Variants in SNCAIP observed in about 807,000 individuals in gnomAD.
SNCAIP encodes the protein synphilin-1.
Under a neutral mutation model 86.7 loss-of-function variants are expected in SNCAIP, and 43 were observed. The observed-to-expected ratio is 0.50, with a 90% confidence interval of 0.39 to 0.64. The LOEUF (loss-of-function observed/expected upper bound fraction) is 0.64. Ranked by LOEUF, SNCAIP falls within the 30% of genes least tolerant of loss-of-function variation. The probability of loss-of-function intolerance (pLI) is 0.00; values close to 1 mark genes in which losing one functional copy is unlikely to be tolerated. For missense variants in SNCAIP, 981 were observed against 1,103.1 expected, an observed-to-expected ratio of 0.89 and a Z score of 1.57; for synonymous variants, 417 against 427.2, an observed-to-expected ratio of 0.98 and a Z score of 0.29.
At chr5:122,329,833 C>T (rs954729979) in intron 1 of SNCAIP, among the ~76,000 whole-genome samples, 1 of 152,126 alleles carries the variant, frequency 6.6e-6, no homozygotes, top group East Asian at 1.9e-4. Context: ...TAGAATTACT[C>T]TCATCAAAAT....
chr5:122,450,566 G>A lies in SNCAIP; in HGVS notation c.1719G>A (p.Gln573=), dbSNP rs1207212072. ...CCTCACCTGCCTCCAGAAAGTCCCA[G>A]TGGAAATCTCCAGATGCAGATGATG... The part of the protein sequence containing the change: ...SPSSPASRKS[Q]WKSPDADDDS... The change falls in exon 10 of 11, where the codon CAG becomes CAA. Residue 573 remains glutamine, a synonymous_variant. Transcript: ENST00000261368. 6.2e-7 allele frequency: 1 copy of A among 1,614,002 alleles called. No individual in the cohort carries two copies. The highest frequency in any genetic ancestry group is 1.7e-5 in the Admixed American group (1 of 60,022).
At chr5:122,383,240 G>A (rs1292746050) in intron 1 of SNCAIP, among the ~76,000 whole-genome samples, 2 of 152,234 alleles carry the variant, frequency 1.3e-5, no homozygotes, top group African/African-American at 2.4e-5. Context: ...ATATAATCTC[G>A]TGATGCGCCG....
At chr5:122,373,091 C>T (rs898687825) in intron 1 of SNCAIP, among the ~76,000 whole-genome samples, 1 of 152,216 alleles carries the variant, frequency 6.6e-6, no homozygotes, top group Admixed American at 6.5e-5. Context: ...GAGTGGTGTA[C>T]TTTCAACCTC....
At chr5:122,337,901 AT>A (rs1756824556) in intron 1 of SNCAIP, among the ~76,000 whole-genome samples, 1 of 152,192 alleles carries the variant, frequency 6.6e-6, no homozygotes. Flanking sequence ...TACCTGGTTT[AT>A]TTTAATAGGG....
At chr5:122,332,444 T>C (rs1021336228) in intron 1 of SNCAIP, among the ~76,000 whole-genome samples, 1 of 152,330 alleles carries the variant, frequency 6.6e-6, no homozygotes, top group African/African-American at 2.4e-5. Context: ...CCTTGAAGCA[T>C]ACCTGCCAAA....
intron 1 of SNCAIP, among the ~76,000 whole-genome samples, chr5:122,322,970 T>A (rs949040515): frequency 2.6e-5 from 4 of 152,194 alleles, no homozygotes; most frequent in African/African-American, 9.7e-5. Context: ...GTGTTCTGTG[T>A]TGGTGTAATT....
intron 7 of SNCAIP, among the ~76,000 whole-genome samples, chr5:122,443,291 A>G (rs1467124415): frequency 6.6e-6 from 1 of 152,222 alleles, no homozygotes; most frequent in Admixed American, 6.5e-5. Flanking sequence ...TCTCATCATG[A>G]TATTGTCAAA....
intron 8 of SNCAIP, among the ~76,000 whole-genome samples, chr5:122,448,552 ATT>A (rs551758980): frequency 7.0e-6 from 1 of 142,702 alleles, no homozygotes; most frequent in East Asian, 2.0e-4. Flanking sequence ...ATCCTTCCAT[ATT>A]TTTTATATAT....
rs970660439 is a variant in SNCAIP at position 122,451,392 on chromosome 5, A to G, written c.2545A>G (p.Thr849Ala). 3.1e-6 allele frequency: 5 copies of G among 1,614,022 alleles called. No homozygotes were observed. The African/African-American group carries it at 4.0e-5, about 13-fold the overall frequency. The change falls in exon 10 of 11, where the codon ACA becomes GCA. Residue 849 changes from threonine to alanine, a missense_variant. Physicochemically the swap from Thr to Ala is moderately conservative, Grantham distance 58 (BLOSUM62 0). Coordinates refer to ENST00000261368, the MANE Select transcript of SNCAIP (RefSeq NM_005460.4). ...DKGRTLQRTS[T>A]SNESGDQLKR... ...GGGCAGGACTCTCCAGCGGACCTCCACAAGTAACGAATCGGGGGATCAACT... is the reference window on the plus strand; with the variant it reads ...GGGCAGGACTCTCCAGCGGACCTCCGCAAGTAACGAATCGGGGGATCAACT...
intron 2 of SNCAIP, among the ~76,000 whole-genome samples, chr5:122,394,787 ACAGC>A (rs1410949919): frequency 2.6e-5 from 4 of 152,244 alleles, no homozygotes; most frequent in Non-Finnish European, 5.9e-5. Context: ...GAGCTCACTC[ACAGC>A]CACCATCCAC....
chr5:122,400,389 A>G (rs1771544269), intron 2 of SNCAIP, among the ~76,000 whole-genome samples: 1 of 152,224 alleles, frequency 6.6e-6, no homozygotes, highest in South Asian at 2.1e-4. Flanking sequence ...GCTCCTTTGA[A>G]TGTCTATAAT....
chr5:122,414,784 G>A (rs1774950805), intron 3 of SNCAIP, among the ~76,000 whole-genome samples: 1 of 152,146 alleles, frequency 6.6e-6, no homozygotes, highest in South Asian at 2.1e-4. Context: ...AGAGAACCTT[G>A]GTCCTAGTTG....
At chr5:122,332,643 A>G (rs1755613742) in intron 1 of SNCAIP, among the ~76,000 whole-genome samples, 1 of 152,240 alleles carries the variant, frequency 6.6e-6, no homozygotes, top group African/African-American at 2.4e-5. Context: ...GACTCTGCAA[A>G]CATCCAAGTA....
rs35824191 is a variant in SNCAIP at position 122,427,376 on chromosome 5, GTT to G, written c.1182+1857_1182+1858del. 2.0e-3 allele frequency among the ~76,000 whole-genome samples: 281 copies of G among 143,978 alleles called. 1 individual carries two copies. Among genetic ancestry groups the G allele is most frequent in the African/African-American group, 6.0e-3 (234 of 39,102 alleles). 94.5% of individuals were successfully genotyped at this position (143,978 alleles called of 152,430 possible). A position where few individuals can be genotyped will look rare whatever the true frequency, so the allele number is the denominator to read the frequency against. ...TCAGTGTGCAAACTTAAACAGCAGT[GTT>G]TTTTTTTTTTTCATTTTAATGAAAA... On this transcript the variant is annotated intron_variant, in intron 5 of 10. Coordinates refer to ENST00000261368, the MANE Select transcript of SNCAIP (RefSeq NM_005460.4).
intron 8 of SNCAIP, among the ~76,000 whole-genome samples, chr5:122,448,994 C>A (rs1034190772): frequency 6.7e-6 from 1 of 149,562 alleles, no homozygotes; most frequent in Non-Finnish European, 1.5e-5. Context: ...CCGGCCTGGG[C>A]AAAAGAGCAA....
intron 10 of SNCAIP, chr5:122,451,880 T>C (rs1783765273): frequency 2.6e-6 from 1 of 380,076 alleles, no homozygotes; most frequent in Non-Finnish European, 4.8e-6. Context: ...GGCCTAATCT[T>C]TAGGTGTTAG....
intron 10 of SNCAIP, among the ~76,000 whole-genome samples, chr5:122,457,189 G>A (rs1190888589): frequency 6.6e-6 from 1 of 152,072 alleles, no homozygotes; most frequent in Non-Finnish European, 1.5e-5. Flanking sequence ...TTTTAGTAGA[G>A]ACGAGGTTTC....
intron 1 of SNCAIP, among the ~76,000 whole-genome samples, chr5:122,320,985 T>C (rs1752806166): frequency 6.6e-6 from 1 of 152,152 alleles, no homozygotes; most frequent in Non-Finnish European, 1.5e-5. Flanking sequence ...TCTCATTCCA[T>C]AGGCATTTCC....
intron 1 of SNCAIP, among the ~76,000 whole-genome samples, chr5:122,349,888 T>G (rs1759415418): frequency 6.6e-6 from 1 of 152,168 alleles, no homozygotes; most frequent in Non-Finnish European, 1.5e-5. Flanking sequence ...TCACAGTCTC[T>G]CCTGGCAAGT....
Sources: allele counts gnomAD v4.1 joint callset (sites outside exome capture counted in the v4.1 genomes callset), GRCh38; gene constraint gnomAD v4.1.1; transcripts MANE v1.5; gene names NCBI Gene and HGNC (gene_info 2026-07-23, HGNC 2026-07-21).